Variants in KIF2A observed in about 807,000 individuals in gnomAD.
The protein encoded by KIF2A is kinesin family member 2A.
In KIF2A, 22 loss-of-function variants were observed where a neutral mutation model predicts 100.2. The ratio of observed to expected loss-of-function variants is 0.22; its 90% CI spans 0.16 to 0.31. The LOEUF is 0.31. Among genes scored for constraint, KIF2A ranks in the 10% least tolerant of loss-of-function variants. The pLI is 1.00. For synonymous variants in KIF2A, 268 were observed against 285.9 expected, an observed-to-expected ratio of 0.94 and a Z score of 0.63; for missense variants, 495 against 898.7, an observed-to-expected ratio of 0.55 and a Z score of 5.74.
In KIF2A at chr5:62,323,068, C is replaced by T. The variant is rs917899319; in HGVS notation, c.64+16532C>T. 1.3e-4 allele frequency among the ~76,000 whole-genome samples: 19 copies of T among 151,234 alleles called. No homozygotes were observed. In the South Asian group the frequency reaches 1.7e-3, roughly 13 times the overall value. ...GGTCGGGAGTTCAAGACCAGCCTGA[C>T]CAACATGGAGAAACCTCATCTCTGC... On this transcript the variant is annotated intron_variant, in intron 1 of 20. Coordinates refer to ENST00000407818, the MANE Select transcript of KIF2A (RefSeq NM_001098511.3).
Position 62,385,464 on chromosome 5 carries a change from CTT to C in KIF2A, c.2150-18_2150-17del, listed in dbSNP as rs770820409. On this transcript the variant is annotated intron_variant, in intron 20 of 20. Coordinates refer to ENST00000407818, the MANE Select transcript of KIF2A (RefSeq NM_001098511.3). ...GCGTGTAATACAATACTTATTCCCTCTTTCTTTTCTTTTTCCAAGATAAAGTG... is the reference window on the plus strand; with the variant it reads ...GCGTGTAATACAATACTTATTCCCTCTCTTTTCTTTTTCCAAGATAAAGTG... The C allele has an allele frequency of 3.3e-5, 50 of 1,531,410 alleles. 1 individual carries two copies. Among genetic ancestry groups the C allele is most frequent in the South Asian group, 1.4e-4 (12 of 83,814 alleles). The allele number at this position is 1,531,410 out of a possible 1,614,324, so 94.9% of individuals were successfully genotyped here.
chr5:62,380,174 G>A (rs545350064), intron 19 of KIF2A, among the ~76,000 whole-genome samples: 12 of 152,208 alleles, frequency 7.9e-5, no homozygotes, highest in Non-Finnish European at 1.6e-4. Context: ...GATTCCAGGC[G>A]TGAGCCACCA....
chr5:62,377,776 G>A lies in KIF2A; in HGVS notation c.2013+14G>A. The A allele has an allele frequency of 7.8e-7, 1 of 1,285,682 alleles. No individual in the cohort carries two copies. The highest frequency in any genetic ancestry group is 1.1e-6 in the Non-Finnish European group (1 of 922,340). The allele number at this position is 1,285,682 out of a possible 1,614,324, so 79.6% of individuals were successfully genotyped here. On this transcript the variant is annotated intron_variant, in intron 19 of 20. Transcript: ENST00000407818. ...GCAGTGTTCCAGGTAAAGTAAGACA[G>A]GACTTTCCTTCAAAATATTTCTTGA...
intron 3 of KIF2A, 70 bp downstream of exon 3, chr5:62,348,237 G>T (rs1014219179): frequency 1.3e-6 from 2 of 1,537,566 alleles, no homozygotes; most frequent in African/African-American, 2.7e-5. Flanking sequence ...GTGTGTTCTA[G>T]TTTGAAATTG....
chr5:62,311,854 A>G (rs986610518), intron 1 of KIF2A: 1 of 152,176 alleles, frequency 6.6e-6, no homozygotes, highest in Admixed American at 6.6e-5. Context: ...CATGTTAGCT[A>G]ATTGGATCTT....
rs894214534 is a variant in KIF2A at position 62,389,622 on chromosome 5, T to C, written c.*4053T>C. 6.6e-6 allele frequency among the ~76,000 whole-genome samples: 1 copy of C among 152,162 alleles called. No individual in the cohort carries two copies. The highest frequency in any genetic ancestry group is 1.5e-5 in the Non-Finnish European group (1 of 68,020). ...ATTTGACTAAAATTATCTTAGACTTTCATTATCCCAGGCCTAAGAACTCAC... is the reference window on the plus strand; with the variant it reads ...ATTTGACTAAAATTATCTTAGACTTCCATTATCCCAGGCCTAAGAACTCAC... On this transcript the variant is annotated 3_prime_UTR_variant, in exon 21 of 21. Coordinates refer to ENST00000407818, the MANE Select transcript of KIF2A (RefSeq NM_001098511.3).
In KIF2A at chr5:62,361,450, T is replaced by C. The variant is rs925330883; in HGVS notation, c.964-16T>C. On this transcript the variant is annotated splice_polypyrimidine_tract_variant and intron_variant, in intron 10 of 20. Coordinates refer to ENST00000407818, the MANE Select transcript of KIF2A (RefSeq NM_001098511.3). ...CCTGAGTAATGTCTGTTCTTTATTT[T>C]CTTTTTAAAATATAGACTATGGGTG... 1 of 1,540,872 alleles carries C rather than the reference T, an allele frequency of 6.5e-7. No homozygotes were observed. The highest frequency in any genetic ancestry group is 8.9e-7 in the Non-Finnish European group (1 of 1,118,346).
chr5:62,351,095 A>T lies in KIF2A; in HGVS notation c.334+975A>T, dbSNP rs377452597. Among the ~76,000 whole-genome samples, 73 of 150,678 alleles carry T rather than the reference A, an allele frequency of 4.8e-4. 1 individual carries two copies. In the South Asian group the frequency reaches 8.9e-3, roughly 18 times the overall value. The stretch of plus-strand genomic sequence containing the variant: ...AAAAATACAAAAACTAGCCAAGTGC[A>T]GTGACACATACCTGTAGTCTCAGCT... On this transcript the variant is annotated intron_variant, in intron 4 of 20. Transcript: ENST00000407818.
intron 16 of KIF2A, among the ~76,000 whole-genome samples, chr5:62,367,773 C>T (rs10071146): frequency 2.6e-5 from 4 of 151,480 alleles, no homozygotes; most frequent in African/African-American, 9.7e-5. Flanking sequence ...ATTTTTTTTT[C>T]CCACTGCTCT....
At chr5:62,373,074 T>A (rs1741389559) in intron 17 of KIF2A, among the ~76,000 whole-genome samples, 1 of 152,026 alleles carries the variant, frequency 6.6e-6, no homozygotes, top group South Asian at 2.1e-4. Flanking sequence ...AAAAAAAATT[T>A]TTTTTAAAGT....
At chr5:62,321,051 A>G (rs1267854230) in intron 1 of KIF2A, among the ~76,000 whole-genome samples, 1 of 152,216 alleles carries the variant, frequency 6.6e-6, no homozygotes. Context: ...CCTTTAGTGT[A>G]TAGCATCTGT....
At chr5:62,339,466 C>T (rs564338408) in intron 1 of KIF2A, among the ~76,000 whole-genome samples, 6 of 150,634 alleles carry the variant, frequency 4.0e-5, no homozygotes, top group South Asian at 2.1e-4. Flanking sequence ...CAGCCACTAT[C>T]GATAGGAAGC....
chr5:62,340,512 T>A (rs1747238920), intron 1 of KIF2A, among the ~76,000 whole-genome samples: 1 of 152,156 alleles, frequency 6.6e-6, no homozygotes, highest in Admixed American at 6.5e-5. Flanking sequence ...GGAAAGATAT[T>A]TCTAGTCCTG....
chr5:62,340,746 C>T (rs1747253643), intron 1 of KIF2A, among the ~76,000 whole-genome samples: 1 of 151,902 alleles, frequency 6.6e-6, no homozygotes, highest in East Asian at 1.9e-4. Context: ...CAGGTGTTTA[C>T]TACTTAACTT....
intron 11 of KIF2A, among the ~76,000 whole-genome samples, chr5:62,361,934 G>T (rs551308073): frequency 2.0e-5 from 3 of 151,302 alleles, no homozygotes; most frequent in African/African-American, 7.3e-5. Flanking sequence ...GGCTGAGGCA[G>T]AATTGTTTGA....
rs1191756364 is a variant in KIF2A at position 62,387,281 on chromosome 5, G to A, written c.*1712G>A. On this transcript the variant is annotated 3_prime_UTR_variant, in exon 21 of 21. Coordinates refer to ENST00000407818, the MANE Select transcript of KIF2A (RefSeq NM_001098511.3). The stretch of plus-strand genomic sequence containing the variant: ...TATTCTATTTGTGTTTATTTCAAAG[G>A]GAAGAGGAAGGATGGAGAACTGTTA... The A allele has an allele frequency of 2.0e-5, 3 of 152,106 alleles. No homozygotes were observed. Among genetic ancestry groups the A allele is most frequent in the Non-Finnish European group, 4.4e-5 (3 of 68,004 alleles). The allele number at this position is 152,106 out of a possible 1,614,324, so 9.4% of individuals were successfully genotyped here.
intron 1 of KIF2A, among the ~76,000 whole-genome samples, chr5:62,330,003 C>T (rs148968050): frequency 6.6e-6 from 1 of 152,286 alleles, no homozygotes; most frequent in African/African-American, 2.4e-5. Context: ...AATTGGTTTA[C>T]TAAGTAAATA....
intron 1 of KIF2A, among the ~76,000 whole-genome samples, chr5:62,343,336 G>A (rs1028678483): frequency 2.0e-5 from 3 of 152,174 alleles, no homozygotes; most frequent in Non-Finnish European, 1.5e-5. Context: ...TTAGTAAAAG[G>A]CACCACTATT....
intron 16 of KIF2A, among the ~76,000 whole-genome samples, chr5:62,371,856 A>G (rs918389724): frequency 6.6e-6 from 1 of 152,240 alleles, no homozygotes; most frequent in African/African-American, 2.4e-5. Flanking sequence ...TTTCATTGCT[A>G]AAGGCTGTTC....
Sources: gnomAD v4.1 joint callset for allele counts (sites outside exome capture counted in the v4.1 genomes callset) on GRCh38, gnomAD v4.1.1 for gene constraint, MANE v1.5 for transcripts, NCBI Gene and HGNC (gene_info 2026-07-23, HGNC 2026-07-21) for gene names.